IQSEC1: variants seen among roughly 807,000 people sequenced by gnomAD.
IQSEC1 encodes the protein IQ motif and SEC7 domain-containing protein 1.
A neutral mutation model predicts 91.0 loss-of-function variants in IQSEC1; 31 were observed. The observed-to-expected ratio is 0.34, with a 90% CI of 0.26 to 0.46. The LOEUF is 0.46. IQSEC1 is among the 20% of genes least tolerant of loss of function. The probability of loss-of-function intolerance (pLI) is 1.00; values close to 1 mark genes in which losing one functional copy is unlikely to be tolerated. For synonymous variants in IQSEC1, 699 were observed against 662.6 expected (o/e 1.05, Z -0.84); for missense variants, 1,388 against 1,575.6 (o/e 0.88, Z 2.02).
At chr3:13,085,016 C>T (rs636788) in intron 2 of IQSEC1, among the ~76,000 whole-genome samples, 1 of 151,206 alleles carries the variant, frequency 6.6e-6, no homozygotes, top group East Asian at 2.0e-4. Context: ...GGGTTGTCCT[C>T]GGACAGAAAA....
chr3:13,007,213 G>A (rs1702673830), intron 1 of IQSEC1, among the ~76,000 whole-genome samples: 1 of 152,212 alleles, frequency 6.6e-6, no homozygotes, highest in African/African-American at 2.4e-5. Context: ...AGGCACTTAG[G>A]GTCGGGGGAC....
chr3:13,272,080 A>C (rs866239348), intron 1 of IQSEC1, among the ~76,000 whole-genome samples: 4 of 152,322 alleles, frequency 2.6e-5, no homozygotes, highest in Middle Eastern at 3.4e-3. Context: ...GAAATCACAC[A>C]AAGTATGATC....
chr3:13,002,951 G>A lies in IQSEC1; in HGVS notation c.24-61086C>T, dbSNP rs183865393. On this transcript the variant is annotated intron_variant, in intron 1 of 13. Transcript: ENST00000613206. ...AAAAAGTTAAACAGAGAGTTACTAT[G>A]TGACCCAGCAATTCCACTTCTAGGT... Among the ~76,000 whole-genome samples, 169 of 152,224 alleles carry A rather than the reference G, an allele frequency of 1.1e-3. 1 individual carries two copies. The highest frequency in any genetic ancestry group is 3.6e-3 in the African/African-American group (151 of 41,524).
At chr3:12,917,195 A>G (rs1011916195) in intron 6 of IQSEC1, among the ~76,000 whole-genome samples, 3 of 152,182 alleles carry the variant, frequency 2.0e-5, no homozygotes, top group African/African-American at 7.2e-5. Context: ...CGCTGTCGCC[A>G]TCCTCACCAG....
Position 12,927,428 on chromosome 3 carries a change from T to C in IQSEC1, c.1569-2686A>G, listed in dbSNP as rs867546326. Reference sequence around the variant, plus strand: ...GCATGCTCTAACTCCACCCAGGCTGTCTGGTCCCTTCCCCACATAGGTGCA... The same window carrying C: ...GCATGCTCTAACTCCACCCAGGCTGCCTGGTCCCTTCCCCACATAGGTGCA... On this transcript the variant is annotated intron_variant, in intron 3 of 13. Coordinates refer to ENST00000613206, the MANE Select transcript of IQSEC1 (RefSeq NM_001134382.3). 1.5e-3 allele frequency among the ~76,000 whole-genome samples: 201 copies of C among 132,604 alleles called. 2 individuals carry two copies. Among genetic ancestry groups the C allele is most frequent in the African/African-American group, 5.7e-3 (177 of 31,110 alleles). 87.0% of individuals were successfully genotyped at this position (132,604 alleles called of 152,430 possible).
intron 1 of IQSEC1, among the ~76,000 whole-genome samples, chr3:13,034,688 C>G (rs1703970194): frequency 6.6e-6 from 1 of 152,186 alleles, no homozygotes; most frequent in Non-Finnish European, 1.5e-5. Context: ...GCTCTGGATG[C>G]TTGATTCTCA....
chr3:13,181,011 C>A (rs896210386), intron 1 of IQSEC1, among the ~76,000 whole-genome samples: 4 of 152,192 alleles, frequency 2.6e-5, no homozygotes, highest in African/African-American at 9.7e-5. Flanking sequence ...GTGGCTCATG[C>A]CTGTAATCCT....
chr3:13,108,686 C>A (rs1441756154), intron 2 of IQSEC1, among the ~76,000 whole-genome samples: 3 of 152,126 alleles, frequency 2.0e-5, no homozygotes, highest in African/African-American at 4.8e-5. Flanking sequence ...GGTAGAAAAC[C>A]CAGCAGCAAC....
At chr3:13,273,363 TG>T (rs1576318864) in intron 1 of IQSEC1, among the ~76,000 whole-genome samples, 2 of 152,142 alleles carry the variant, frequency 1.3e-5, no homozygotes, top group African/African-American at 4.8e-5. Context: ...GGCCTGGGTG[TG>T]GGAAGCCAGA....
intron 6 of IQSEC1, among the ~76,000 whole-genome samples, chr3:12,918,820 TAAATAAATAAATAAATA>T (rs1696348970): frequency 6.6e-6 from 1 of 152,010 alleles, no homozygotes; most frequent in Non-Finnish European, 1.5e-5. Flanking sequence ...AGACCATGTC[TAAATAAATAAATAAATA>T]AATGTAAACA....
At chr3:13,189,369 G>T (rs922661659) in intron 1 of IQSEC1, among the ~76,000 whole-genome samples, 1 of 151,732 alleles carries the variant, frequency 6.6e-6, no homozygotes. Context: ...CCCAGCTGAC[G>T]GTTGAGGTCC....
At chr3:13,029,680 G>A (rs1411724251) in intron 1 of IQSEC1, among the ~76,000 whole-genome samples, 3 of 152,238 alleles carry the variant, frequency 2.0e-5, no homozygotes, top group Admixed American at 1.3e-4. Flanking sequence ...TTGTGCGTGA[G>A]CGTGAGTGTG....
At position 12,909,131 on chromosome 3, in the gene IQSEC1, C is replaced by T. The variant is rs1695315799; in HGVS notation, c.2578+142G>A. ...TGCAGCCTGGGAACACAGACTGCCCCATCATGTGGCCATAGGGAAGGCCAG... is the reference window on the plus strand; with the variant it reads ...TGCAGCCTGGGAACACAGACTGCCCTATCATGTGGCCATAGGGAAGGCCAG... On this transcript the variant is annotated intron_variant, in intron 11 of 13. Coordinates refer to ENST00000613206, the MANE Select transcript of IQSEC1 (RefSeq NM_001134382.3). This position sits in a 1 kb window ranked among gnomAD's most constrained non-coding sequence, Gnocchi z 4.9. 3.5e-6 allele frequency: 3 copies of T among 845,490 alleles called. No homozygotes were observed. Among genetic ancestry groups the T allele is most frequent in the Non-Finnish European group, 5.7e-6 (3 of 530,492 alleles). 52.4% of individuals were successfully genotyped at this position (845,490 alleles called of 1,614,324 possible).
At chr3:13,037,324 A>C (rs1038081377) in intron 1 of IQSEC1, among the ~76,000 whole-genome samples, 1 of 152,204 alleles carries the variant, frequency 6.6e-6, no homozygotes, top group Non-Finnish European at 1.5e-5. Flanking sequence ...GCCAAGCACA[A>C]GGAGGCAGGG....
intron 1 of IQSEC1, among the ~76,000 whole-genome samples, chr3:13,222,688 T>C (rs1171818208): frequency 6.6e-6 from 1 of 152,102 alleles, no homozygotes; most frequent in Admixed American, 6.5e-5. Flanking sequence ...GTAGAGGCCA[T>C]TGAAAGCACT....
Position 12,936,662 on chromosome 3 carries a change from C to T in IQSEC1, c.354G>A (p.Leu118=), listed in dbSNP as rs1698231770. 1.3e-6 allele frequency: 2 copies of T among 1,597,240 alleles called. No homozygotes were observed. The highest frequency in any genetic ancestry group is 1.7e-6 in the Non-Finnish European group (2 of 1,171,616). ...EMLERKYGGR[L]VTRHAARTIQ... ...TGGTGCGGGCCGCATGGCGGGTTAC[C>T]AGGCGCCCCCCATACTTTCGTTCTA... Residue 118 remains leucine, a synonymous_variant, in exon 3 of 14, where the codon CTG becomes CTA. Coordinates refer to ENST00000613206, the MANE Select transcript of IQSEC1 (RefSeq NM_001134382.3).
At chr3:12,932,482 G>C (rs1395104065) in intron 3 of IQSEC1, among the ~76,000 whole-genome samples, 3 of 152,216 alleles carry the variant, frequency 2.0e-5, no homozygotes, top group Non-Finnish European at 4.4e-5. Context: ...GTTAGCGCGT[G>C]ACAGGCCCTG....
At chr3:13,040,968 A>T (rs571513618) in intron 1 of IQSEC1, among the ~76,000 whole-genome samples, 26 of 151,936 alleles carry the variant, frequency 1.7e-4, no homozygotes, top group Non-Finnish European at 3.2e-4. Flanking sequence ...GTCTGCATGG[A>T]CTGAGACTGT....
intron 1 of IQSEC1, among the ~76,000 whole-genome samples, chr3:12,981,478 G>A (rs1256890301): frequency 6.6e-6 from 1 of 152,052 alleles, no homozygotes; most frequent in Non-Finnish European, 1.5e-5. Flanking sequence ...CCGGCTGCTG[G>A]GGGACTAGTG....
Sources: allele counts gnomAD v4.1 joint callset (sites outside exome capture counted in the v4.1 genomes callset), GRCh38; gene constraint gnomAD v4.1.1; non-coding constraint Gnocchi (gnomAD v3.1); transcripts MANE v1.5; gene names NCBI Gene and HGNC (gene_info 2026-07-23, HGNC 2026-07-21).